The following FRMD3 variants were observed in gnomAD, a reference collection of about 807,000 sequenced individuals.
FRMD3 encodes the protein FERM domain containing 3.
FRMD3 carries 33 observed loss-of-function variants against 70.2 expected under a neutral mutation model. That is an observed-to-expected ratio of 0.47 (90% CI 0.36 to 0.63). The LOEUF (loss-of-function observed/expected upper bound fraction) is 0.63. FRMD3 is among the 20% of genes least tolerant of loss of function. The pLI, the probability that FRMD3 is intolerant of heterozygous loss-of-function variation, is 0.00. For synonymous variants in FRMD3, 279 were observed against 255.9 expected, an observed-to-expected ratio of 1.09 and a Z score of -0.86; for missense variants, 632 against 711.4, an observed-to-expected ratio of 0.89 and a Z score of 1.27.
intron 13 of FRMD3, among the ~76,000 whole-genome samples, chr9:83,285,648 C>T (rs1834175596): frequency 6.6e-6 from 1 of 152,208 alleles, no homozygotes; most frequent in African/African-American, 2.4e-5. Flanking sequence ...CACTCCCCTT[C>T]TCTACTACAA....
At chr9:83,552,937 C>A in the FRMD3 span, among the ~76,000 whole-genome samples, 1 of 152,050 alleles carries the variant, frequency 6.6e-6, no homozygotes. Context: ...TATTATTATT[C>A]AGCTTGTCAC....
At chr9:83,415,098 A>G (rs1390393012) in intron 1 of FRMD3, among the ~76,000 whole-genome samples, 1 of 152,166 alleles carries the variant, frequency 6.6e-6, no homozygotes, top group Non-Finnish European at 1.5e-5. Context: ...AGGAGTGATC[A>G]CTGGGCCAGG....
At chr9:83,518,801 C>G (rs1032844026) in intron 1 of FRMD3, among the ~76,000 whole-genome samples, 5 of 152,064 alleles carry the variant, frequency 3.3e-5, no homozygotes, top group African/African-American at 1.2e-4. Context: ...GACATATAGA[C>G]CAATGGAACA....
At chr9:83,553,711 T>C in the FRMD3 span, among the ~76,000 whole-genome samples, 624 of 152,324 alleles carry the variant, frequency 4.1e-3, 4 homozygotes, top group African/African-American at 0.015. Flanking sequence ...GTCAGACCCA[T>C]TAGGATCTCT....
chr9:83,355,068 T>A (rs566376491), intron 3 of FRMD3, among the ~76,000 whole-genome samples: 40 of 152,286 alleles, frequency 2.6e-4, no homozygotes, highest in African/African-American at 9.6e-4. Context: ...CCTTCTCAGA[T>A]GCAACATGGA....
chr9:83,283,082 A>G (rs1834032720), intron 13 of FRMD3, among the ~76,000 whole-genome samples: 2 of 152,214 alleles, frequency 1.3e-5, no homozygotes, highest in Admixed American at 6.5e-5. Context: ...AATAGCTCCA[A>G]AGAAAAACAT....
intron 1 of FRMD3, among the ~76,000 whole-genome samples, chr9:83,494,759 T>A (rs1436931778): frequency 1.3e-5 from 2 of 152,082 alleles, no homozygotes; most frequent in South Asian, 2.1e-4. Context: ...AAAAAAATGT[T>A]TTAACTAGCT....
chr9:83,375,078 A>G (rs1407137509), intron 2 of FRMD3, among the ~76,000 whole-genome samples: 1 of 152,144 alleles, frequency 6.6e-6, no homozygotes, highest in Non-Finnish European at 1.5e-5. Flanking sequence ...CTCTGACTCC[A>G]GGGGTGACAA....
At chr9:83,478,704 T>C (rs1293268419) in intron 1 of FRMD3, among the ~76,000 whole-genome samples, 1 of 152,172 alleles carries the variant, frequency 6.6e-6, no homozygotes, top group African/African-American at 2.4e-5. Context: ...TACAGGAGTG[T>C]TCACAGCCAC....
chr9:83,579,202 A>G, the FRMD3 span, among the ~76,000 whole-genome samples: 2 of 151,978 alleles, frequency 1.3e-5, no homozygotes, highest in Non-Finnish European at 2.9e-5. Flanking sequence ...TCATGAAGCT[A>G]AAGAATTAAT....
At chr9:83,550,317 A>G in the FRMD3 span, among the ~76,000 whole-genome samples, 2 of 151,962 alleles carry the variant, frequency 1.3e-5, no homozygotes, top group African/African-American at 4.8e-5. Flanking sequence ...CCCTGTTTTT[A>G]TACCTGTACT....
At chr9:83,321,008 T>C (rs1003148089) in intron 6 of FRMD3, among the ~76,000 whole-genome samples, 4 of 152,224 alleles carry the variant, frequency 2.6e-5, no homozygotes, top group African/African-American at 4.8e-5. Context: ...TGATCTTTTG[T>C]ATTTCTGTGG....
At chr9:83,500,655 A>T (rs77134228) in intron 1 of FRMD3, among the ~76,000 whole-genome samples, 8,377 of 152,202 alleles carry the variant, frequency 0.055, 309 homozygotes, top group East Asian at 0.2. Flanking sequence ...CTAGCACTCC[A>T]GTCTAGACAC....
chr9:83,247,970 T>A lies in FRMD3; in HGVS notation c.1742A>T (p.Glu581Val). 2 of 1,614,182 alleles carry A rather than the reference T, an allele frequency of 1.2e-6. No homozygotes were observed. Among genetic ancestry groups the A allele is most frequent in the South Asian group, 2.2e-5 (2 of 91,080 alleles). ...FHYEYYCPLKEWVAGKVHLIL... is the reference protein window; with the variant it reads ...FHYEYYCPLKVWVAGKVHLIL... ...GAGGTGGACTTTCCCAGCCACCCAC[T>A]CCTTGAGGGGACAGTAGTATTCATA... The change falls in exon 14 of 14, where the codon GAG (glutamate) becomes GTG (valine). Residue 581 changes from glutamate (E) to valine (V), a missense_variant. This residue lies in a region of FRMD3 where 418 missense variants were observed against 442.1 expected (regional missense o/e 0.95). Coordinates refer to ENST00000304195, the MANE Select transcript of FRMD3 (RefSeq NM_174938.6).
At chr9:83,469,332 G>A (rs573524749) in intron 1 of FRMD3, among the ~76,000 whole-genome samples, 1 of 152,310 alleles carries the variant, frequency 6.6e-6, no homozygotes, top group South Asian at 2.1e-4. Flanking sequence ...CAATCCAGTA[G>A]GGATCCACTC....
chr9:83,310,465 A>T lies in FRMD3; in HGVS notation c.837+20T>A, dbSNP rs748637209. On this transcript the variant is annotated intron_variant, in intron 9 of 13. Transcript: ENST00000304195. ...CATGCACACACAATAACAGGCAGTT[A>T]AAAAAAAGCAGTATCTGACCTCCTT... The T allele has an allele frequency of 1.4e-5, 22 of 1,556,938 alleles. No individual in the cohort carries two copies. In the Middle Eastern group the frequency reaches 5.0e-4, roughly 36 times the overall value.
At position 83,399,044 on chromosome 9, in the gene FRMD3, T is replaced by C. The variant is rs545084315; in HGVS notation, c.148-9336A>G. Among the ~76,000 whole-genome samples, 21 of 152,262 alleles carry C rather than the reference T, an allele frequency of 1.4e-4. No individual in the cohort carries two copies. The East Asian group carries it at 3.9e-3, about 28-fold the overall frequency. On this transcript the variant is annotated intron_variant, in intron 1 of 13. Coordinates refer to ENST00000304195, the MANE Select transcript of FRMD3 (RefSeq NM_174938.6). ...GTAGCCCCTACACACTATGAGAAGA[T>C]AGACATACAGTCAACATCACAGCAA...
intron 4 of FRMD3, among the ~76,000 whole-genome samples, chr9:83,345,268 T>C (rs1823917380): frequency 6.9e-6 from 1 of 143,886 alleles, no homozygotes; most frequent in Non-Finnish European, 1.6e-5. Flanking sequence ...AGGCAGTCCC[T>C]AATAAGTTTC....
Position 83,360,959 on chromosome 9 carries a change from T to G in FRMD3, c.296-11202A>C, listed in dbSNP as rs764329490. 2.2e-4 allele frequency among the ~76,000 whole-genome samples: 34 copies of G among 152,330 alleles called. 1 individual carries two copies. The highest frequency in any genetic ancestry group is 5.9e-5 in the Non-Finnish European group (4 of 68,028). On this transcript the variant is annotated intron_variant, in intron 3 of 13. Transcript: ENST00000304195. ...AACTTTCTGGGAGAAGGATCAAATA[T>G]AAAAATTTTGATGAACAGTTGAACT... is the stretch of plus-strand genomic sequence containing the variant.
Sources: allele counts gnomAD v4.1 joint callset (sites outside exome capture counted in the v4.1 genomes callset), GRCh38; gene constraint gnomAD v4.1.1; regional missense constraint gnomAD v4.1.1; transcripts MANE v1.5; gene names NCBI Gene and HGNC (gene_info 2026-07-23, HGNC 2026-07-21).